Variants in FER1L6 observed in about 807,000 individuals in gnomAD.
FER1L6 encodes fer-1 like family member 6, also known as fer-1-like protein 6.
A neutral mutation model predicts 219.2 loss-of-function variants in FER1L6; 177 were observed. The observed-to-expected ratio is 0.81, with a 90% CI of 0.71 to 0.91. FER1L6 has a LOEUF of 0.91. FER1L6 is among the 40% of genes least tolerant of loss of function. The pLI, the probability that FER1L6 is intolerant of heterozygous loss-of-function variation, is 0.00. For synonymous variants in FER1L6, 768 were observed against 824.3 expected (o/e 0.93, Z 1.17); for missense variants, 2,153 against 2,259.9 (o/e 0.95, Z 0.96).
At chr8:124,060,421 C>A in intron 23 of FER1L6, 127 bp from the exon 24 acceptor site, 3 of 1,430,544 alleles carry the variant, frequency 2.1e-6, no homozygotes, top group Non-Finnish European at 2.9e-6. Context: ...AAAAGCTGTG[C>A]AGTTCTTTCC....
At chr8:124,082,102 C>CA in intron 32 of FER1L6, among the ~76,000 whole-genome samples, 186 bp from the exon 33 acceptor site, 1 of 152,204 alleles carries the variant, frequency 6.6e-6, no homozygotes, top group East Asian at 1.9e-4. Context: ...AAATTGATAA[C>CA]AGAGTTGAAA....
At chr8:123,900,124 T>G in intron 1 of FER1L6, among the ~76,000 whole-genome samples, 1 of 152,202 alleles carries the variant, frequency 6.6e-6, no homozygotes, top group Non-Finnish European at 1.5e-5. Context: ...TACCCATCCA[T>G]GAGCATGAGA....
intron 2 of FER1L6, among the ~76,000 whole-genome samples, chr8:123,961,845 G>A (rs532678526): frequency 6.6e-6 from 1 of 151,634 alleles, no homozygotes; most frequent in Admixed American, 6.6e-5. Flanking sequence ...CAGCCAGAAC[G>A]AGTCTATGGT....
chr8:123,955,316 G>A (rs4642628), intron 1 of FER1L6, among the ~76,000 whole-genome samples: 13,395 of 152,220 alleles, frequency 0.088, 779 homozygotes, highest in South Asian at 0.28. Flanking sequence ...ATGGCTTCCT[G>A]CTTATGGCTA....
intron 1 of FER1L6, among the ~76,000 whole-genome samples, chr8:123,946,736 G>A (rs1032906133): frequency 2.6e-5 from 4 of 152,042 alleles, no homozygotes; most frequent in Non-Finnish European, 2.9e-5. Flanking sequence ...TCCCACATCT[G>A]AACCCTTGTT....
Position 123,853,610 on chromosome 8 carries a change from G to C in FER1L6, c.-8+1425G>C, listed in dbSNP as rs1315568710. Among the ~76,000 whole-genome samples the C allele has an allele frequency of 6.6e-6, 1 of 152,180 alleles. No individual in the cohort carries two copies. Among genetic ancestry groups the C allele is most frequent in the Non-Finnish European group, 1.5e-5 (1 of 68,024 alleles). The stretch of plus-strand genomic sequence containing the variant: ...GGGGAGATTTTACAAGGGTGGATGA[G>C]TAGAGAAAAAGGGGTAGGTACGCCT... On this transcript the variant is annotated intron_variant, in intron 1 of 40. Coordinates refer to ENST00000522917, the MANE Select transcript of FER1L6 (RefSeq NM_001039112.2). This position sits in a 1 kb window ranked among gnomAD's most constrained non-coding sequence, Gnocchi z 6.6.
chr8:123,969,993 A>G (rs1313531037), intron 5 of FER1L6, 42 bp from the exon 6 acceptor site: 1 of 1,552,054 alleles, frequency 6.4e-7, no homozygotes, highest in Non-Finnish European at 8.9e-7. Flanking sequence ...TCTTAGGTGC[A>G]AGTCTGGGGT....
chr8:123,956,763 T>C (rs951422080), intron 2 of FER1L6, among the ~76,000 whole-genome samples: 1 of 152,184 alleles, frequency 6.6e-6, no homozygotes, highest in Admixed American at 6.5e-5. Context: ...CACATATCCA[T>C]GAAGCCGGCT....
chr8:123,865,565 C>T (rs1441321449), intron 1 of FER1L6, among the ~76,000 whole-genome samples: 1 of 151,412 alleles, frequency 6.6e-6, no homozygotes, highest in Admixed American at 6.6e-5. Flanking sequence ...CAATGGCGGG[C>T]GCCCCTCCCC....
intron 15 of FER1L6, among the ~76,000 whole-genome samples, chr8:124,016,420 A>AT (rs1055410499): frequency 6.6e-6 from 1 of 151,786 alleles, no homozygotes; most frequent in Non-Finnish European, 1.5e-5. Context: ...TTTATAATTG[A>AT]TTTTTTTCAT....
intron 7 of FER1L6, among the ~76,000 whole-genome samples, chr8:123,974,762 A>G (rs927312037): frequency 2.0e-5 from 3 of 152,032 alleles, no homozygotes; most frequent in South Asian, 4.2e-4. Context: ...CCATCTTGGA[A>G]GTTTTGACTC....
chr8:123,975,056 G>A, intron 7 of FER1L6, 94 bp from the exon 8 acceptor site: 1 of 1,162,912 alleles, frequency 8.6e-7, no homozygotes, highest in South Asian at 2.0e-5. Flanking sequence ...AACAGAGGGA[G>A]GAGAGCCTGG....
At chr8:124,059,539 C>T (rs946764663) in intron 22 of FER1L6, among the ~76,000 whole-genome samples, 4 of 152,170 alleles carry the variant, frequency 2.6e-5, no homozygotes, top group African/African-American at 9.7e-5. Flanking sequence ...ACCCTTTTCT[C>T]AGTAGAACTC....
intron 1 of FER1L6, among the ~76,000 whole-genome samples, chr8:123,908,458 G>C (rs1197246078): frequency 1.3e-5 from 2 of 152,172 alleles, no homozygotes; most frequent in Non-Finnish European, 2.9e-5. Context: ...TTAGAAAACA[G>C]TTTGTTTCCT....
intron 16 of FER1L6, among the ~76,000 whole-genome samples, chr8:124,020,868 T>C (rs1818427150): frequency 6.6e-6 from 1 of 152,142 alleles, no homozygotes; most frequent in South Asian, 2.1e-4. Flanking sequence ...TAGCAGTTGT[T>C]GTTAAATATC....
chr8:124,054,511 T>A (rs556897705), intron 22 of FER1L6, among the ~76,000 whole-genome samples: 8 of 152,338 alleles, frequency 5.3e-5, no homozygotes, highest in African/African-American at 1.9e-4. Flanking sequence ...AGTGTTAATA[T>A]TCCCTGAAGA....
intron 1 of FER1L6, among the ~76,000 whole-genome samples, chr8:123,892,569 G>C (rs1812668745): frequency 6.6e-6 from 1 of 152,192 alleles, no homozygotes; most frequent in Admixed American, 6.5e-5. Context: ...GGGATTAGAG[G>C]CGTGAGCCAC....
chr8:123,960,196 A>C (rs1460001603), intron 2 of FER1L6, among the ~76,000 whole-genome samples: 1 of 152,204 alleles, frequency 6.6e-6, no homozygotes, highest in Non-Finnish European at 1.5e-5. Context: ...AAGTGGAAGG[A>C]CTGGAATTTG....
chr8:124,000,738 T>C (rs1431668301), intron 12 of FER1L6, among the ~76,000 whole-genome samples: 1 of 152,212 alleles, frequency 6.6e-6, no homozygotes, highest in East Asian at 1.9e-4. Flanking sequence ...AGAAAGAGCA[T>C]TCCATCACAG....
Sources: gnomAD v4.1 joint callset for allele counts (sites outside exome capture counted in the v4.1 genomes callset) on GRCh38, gnomAD v4.1.1 for gene constraint, Gnocchi (gnomAD v3.1) non-coding constraint, MANE v1.5 for transcripts, NCBI Gene and HGNC (gene_info 2026-07-23, HGNC 2026-07-21) for gene names.